DLGAP2: variants seen among roughly 807,000 people sequenced by gnomAD.
DLGAP2 encodes disks large-associated protein 2.
Under a neutral mutation model 100.3 loss-of-function variants are expected in DLGAP2, and 26 were observed. The ratio of observed to expected loss-of-function variants is 0.26; its 90% confidence interval spans 0.19 to 0.36. DLGAP2 has a LOEUF of 0.36. DLGAP2 is among the 10% of genes least tolerant of loss of function. The pLI, the probability that DLGAP2 is intolerant of heterozygous loss-of-function variation, is 1.00. For missense variants in DLGAP2, 1,858 were observed against 1,453.2 expected (o/e 1.28, Z -4.53); for synonymous variants, 886 against 630.1 (o/e 1.41, Z -6.08).
intron 3 of DLGAP2, among the ~76,000 whole-genome samples, chr8:1,271,979 T>TTTTGGA (rs1458048619): frequency 1.3e-5 from 2 of 151,936 alleles, no homozygotes; most frequent in African/African-American, 4.8e-5. Context: ...CCCAGCTAGT[T>TTTTGGA]TTTGGATTTT....
intron 2 of DLGAP2, among the ~76,000 whole-genome samples, chr8:1,056,801 T>G (rs1802895116): frequency 1.3e-5 from 2 of 152,268 alleles, no homozygotes; most frequent in Non-Finnish European, 1.5e-5. Context: ...TTCCAGCACT[T>G]ACATCAGACC....
chr8:1,197,316 A>T, intron 2 of DLGAP2, among the ~76,000 whole-genome samples: 1 of 152,174 alleles, frequency 6.6e-6, no homozygotes, highest in East Asian at 1.9e-4. Flanking sequence ...CTGACACAGA[A>T]TTCACCACGA....
intron 4 of DLGAP2, among the ~76,000 whole-genome samples, chr8:1,530,075 T>C (rs909190488): frequency 1.3e-5 from 2 of 152,196 alleles, no homozygotes; most frequent in African/African-American, 2.4e-5. Context: ...CTGTCATTGA[T>C]AACATCTTAT....
In DLGAP2 at chr8:1,631,873, A is replaced by C. The variant is rs1229420298; in HGVS notation, c.1591-954A>C. 2.0e-5 allele frequency among the ~76,000 whole-genome samples: 3 copies of C among 152,346 alleles called. No individual in the cohort carries two copies. The South Asian group carries it at 6.2e-4, about 32-fold the overall frequency. On this transcript the variant is annotated intron_variant, in intron 7 of 14. Transcript: ENST00000637795. ...GTTGTGTCAACAACACAACTGCTAG[A>C]GGGAGAACCTGATTCTTTGACCTTG...
intron 3 of DLGAP2, among the ~76,000 whole-genome samples, chr8:1,470,748 CTT>C (rs1563168392): frequency 8.5e-5 from 12 of 141,484 alleles, no homozygotes; most frequent in South Asian, 2.4e-4. Context: ...TCCCCGACTC[CTT>C]CCCCGACTCC....
chr8:1,537,865 G>C (rs1210965612), intron 4 of DLGAP2, among the ~76,000 whole-genome samples: 1 of 152,216 alleles, frequency 6.6e-6, no homozygotes, highest in East Asian at 1.9e-4. Context: ...AGAAAAGAGA[G>C]CTAAATTTAG....
chr8:1,602,121 A>T (rs1041128700), intron 6 of DLGAP2, among the ~76,000 whole-genome samples: 2 of 152,218 alleles, frequency 1.3e-5, no homozygotes, highest in African/African-American at 4.8e-5. Context: ...TGTGAATGAG[A>T]GAGTGAGTGA....
chr8:1,359,016 A>G (rs573142278), intron 3 of DLGAP2, among the ~76,000 whole-genome samples: 1 of 152,300 alleles, frequency 6.6e-6, no homozygotes, highest in African/African-American at 2.4e-5. Flanking sequence ...CACAGAGTGC[A>G]GGACCCTGCC....
intron 3 of DLGAP2, among the ~76,000 whole-genome samples, chr8:1,377,064 G>T (rs756382821): frequency 1.3e-5 from 2 of 152,226 alleles, no homozygotes; most frequent in Non-Finnish European, 2.9e-5. Flanking sequence ...ATTAGAATAG[G>T]GCAGTGAGAT....
intron 2 of DLGAP2, among the ~76,000 whole-genome samples, chr8:1,007,551 G>A (rs1389060724): frequency 3.3e-5 from 5 of 151,646 alleles, no homozygotes; most frequent in Admixed American, 2.6e-4. Flanking sequence ...ACGAAGCCAT[G>A]TGGCCATAGT....
intron 8 of DLGAP2, among the ~76,000 whole-genome samples, chr8:1,651,190 C>T (rs561762871): frequency 1.6e-4 from 24 of 152,354 alleles, no homozygotes; most frequent in Admixed American, 2.6e-4. Context: ...CCCACCTCTG[C>T]CTCACAGCAG....
At chr8:1,446,188 T>A (rs1183188973) in intron 3 of DLGAP2, among the ~76,000 whole-genome samples, 12 of 152,076 alleles carry the variant, frequency 7.9e-5, no homozygotes, top group African/African-American at 2.4e-4. Flanking sequence ...CTGAATGGTA[T>A]TGCCTAGGTT....
intron 3 of DLGAP2, among the ~76,000 whole-genome samples, chr8:1,326,532 G>T (rs1009931009): frequency 6.6e-6 from 1 of 150,444 alleles, no homozygotes; most frequent in Admixed American, 6.6e-5. Flanking sequence ...GTCTCGGTCC[G>T]GTCCTGTCTT....
intron 2 of DLGAP2, among the ~76,000 whole-genome samples, chr8:1,118,770 A>C (rs1267980664): frequency 1.3e-5 from 2 of 152,174 alleles, no homozygotes; most frequent in African/African-American, 2.4e-5. Context: ...ATCTGAACTA[A>C]ATTAAATGAT....
At chr8:1,430,013 T>TATATATATATATATATATATAC (rs1170347980) in intron 3 of DLGAP2, among the ~76,000 whole-genome samples, 1 of 76,080 alleles carries the variant, frequency 1.3e-5, no homozygotes, top group African/African-American at 4.9e-5. Flanking sequence ...TATACATATA[T>TATATATATATATATATATATAC]ATATATATAT....
At chr8:1,061,430 A>T (rs1367071387) in intron 2 of DLGAP2, among the ~76,000 whole-genome samples, 1 of 152,074 alleles carries the variant, frequency 6.6e-6, no homozygotes, top group Non-Finnish European at 1.5e-5. Context: ...GTTGAGGGAA[A>T]ACCACGCTGC....
rs551194810 is a variant in DLGAP2, at chr8:1,093,670, C to T, written c.74-165181C>T. Among the ~76,000 whole-genome samples the T allele has an allele frequency of 2.2e-3, 332 of 152,310 alleles. 1 individual carries two copies. The highest frequency in any genetic ancestry group is 7.7e-3 in the African/African-American group (321 of 41,562). On this transcript the variant is annotated intron_variant, in intron 2 of 14. Transcript: ENST00000637795. ...ACTAATAGCCAGACAGAAACACCTT[C>T]ACACCAACAGCCAGACAGAAACAAC...
Position 901,837 on chromosome 8 carries a change from T to C in DLGAP2, c.19-6075T>C, listed in dbSNP as rs139096657. Among the ~76,000 whole-genome samples the C allele has an allele frequency of 3.7e-4, 56 of 152,364 alleles. 1 individual carries two copies. The highest frequency in any genetic ancestry group is 6.5e-4 in the African/African-American group (27 of 41,592). ...TCGTACGTTGCCAGCCATTTAATACTTGCCCTGTAACATTGTTGCTCCCGT... is the reference window on the plus strand; with the variant it reads ...TCGTACGTTGCCAGCCATTTAATACCTGCCCTGTAACATTGTTGCTCCCGT... On this transcript the variant is annotated intron_variant, in intron 1 of 14. Coordinates refer to ENST00000637795, the MANE Select transcript of DLGAP2 (RefSeq NM_001346810.2).
chr8:837,587 G>T (rs1796902801), intron 1 of DLGAP2, among the ~76,000 whole-genome samples: 1 of 151,992 alleles, frequency 6.6e-6, no homozygotes, highest in African/African-American at 2.4e-5. Context: ...TCAGGCCGCA[G>T]GCAGCGGTCT....
Sources: allele counts gnomAD v4.1 joint callset (sites outside exome capture counted in the v4.1 genomes callset), GRCh38; gene constraint gnomAD v4.1.1; transcripts MANE v1.5; gene names NCBI Gene and HGNC (gene_info 2026-07-23, HGNC 2026-07-21).